Variants in NDRG1 observed in about 807,000 individuals in gnomAD.
NDRG1 encodes the protein protein NDRG1.
NDRG1 carries 32 observed loss-of-function variants against 56.9 expected under a neutral mutation model. The ratio of observed to expected loss-of-function variants is 0.56; its 90% CI spans 0.42 to 0.76. The LOEUF is 0.76. Among genes scored for constraint, NDRG1 ranks in the 30% least tolerant of loss-of-function variants. NDRG1 has a pLI of 0.00. For synonymous variants in NDRG1, 211 were observed against 204.1 expected (o/e 1.03, Z -0.29); for missense variants, 507 against 545.7 (o/e 0.93, Z 0.71).
chr8:133,256,691 G>T, intron 8 of NDRG1, 86 bp downstream of exon 8: 1 of 1,303,512 alleles, frequency 7.7e-7, no homozygotes, highest in Non-Finnish European at 1.1e-6. Flanking sequence ...AGAGCTCGTA[G>T]CTCCAGGGAT....
chr8:133,286,609 T>C (rs1858127853), intron 1 of NDRG1, among the ~76,000 whole-genome samples: 1 of 152,224 alleles, frequency 6.6e-6, no homozygotes, highest in Non-Finnish European at 1.5e-5. Context: ...TTTTGGGAGC[T>C]GGTGGGGCCT....
chr8:133,264,770 T>G, intron 3 of NDRG1, 118 bp from the exon 4 acceptor site: 12 of 846,380 alleles, frequency 1.4e-5, no homozygotes, highest in Non-Finnish European at 2.2e-5. Flanking sequence ...CATCTGGCCA[T>G]AAGAGCCCCG....
At chr8:133,250,678 T>C in intron 9 of NDRG1, 135 bp from the exon 10 acceptor site, 1 of 645,072 alleles carries the variant, frequency 1.6e-6, no homozygotes, top group Admixed American at 2.6e-5. Context: ...GCGACGGACC[T>C]AAAAAAAAAA....
chr8:133,284,723 A>G (rs1218063318), intron 1 of NDRG1: 2 of 461,012 alleles, frequency 4.3e-6, no homozygotes. Flanking sequence ...CCGTGTGACA[A>G]TGAAAGGGGA....
chr8:133,285,780 GA>G (rs33943464), intron 1 of NDRG1, among the ~76,000 whole-genome samples: 27,417 of 152,212 alleles, frequency 0.18, 3,161 homozygotes, highest in African/African-American at 0.31. Flanking sequence ...AGAACATTCT[GA>G]AAACAAAGTC....
At chr8:133,258,545 G>GT in intron 6 of NDRG1, 119 bp from the exon 7 acceptor site, 2 of 939,072 alleles carry the variant, frequency 2.1e-6, no homozygotes, top group Non-Finnish European at 3.4e-6. Context: ...GCATGCTGCC[G>GT]TAACTGCCTG....
At chr8:133,254,653 T>A in intron 8 of NDRG1, 58 bp from the exon 9 acceptor site, 1 of 1,570,960 alleles carries the variant, frequency 6.4e-7, no homozygotes, top group Non-Finnish European at 8.7e-7. Flanking sequence ...GTTAACAAGG[T>A]CAGCAAAACC....
chr8:133,263,355 C>G (rs116617072), intron 4 of NDRG1, among the ~76,000 whole-genome samples: 3 of 152,100 alleles, frequency 2.0e-5, no homozygotes, highest in African/African-American at 7.2e-5. Context: ...GGCAGTCCAT[C>G]GTCAAAAATC....
rs1178395668 is a variant in NDRG1, at chr8:133,237,735, A to C, written c.*1143T>G. 4.3e-6 allele frequency: 1 copy of C among 231,186 alleles called. No homozygotes were observed. Among genetic ancestry groups the C allele is most frequent in the East Asian group, 6.1e-5 (1 of 16,442 alleles). 14.3% of individuals were successfully genotyped at this position (231,186 alleles called of 1,614,324 possible). On this transcript the variant is annotated 3_prime_UTR_variant, in exon 16 of 16. Transcript: ENST00000323851. ...GAGCAAAGAGTTCTGAGGATCCAAG[A>C]ACGTGACCGGGTCAGACAGGTTCAG...
intron 1 of NDRG1, among the ~76,000 whole-genome samples, chr8:133,294,707 T>C (rs1199626891): frequency 3.3e-5 from 5 of 151,678 alleles, no homozygotes; most frequent in African/African-American, 1.2e-4. Flanking sequence ...AAAGGCCAAC[T>C]CAGGGGGCTG....
chr8:133,250,420 G>A lies in NDRG1; in HGVS notation c.698+20C>T. 6.3e-7 allele frequency: 1 copy of A among 1,595,740 alleles called. No homozygotes were observed. The highest frequency in any genetic ancestry group is 1.1e-5 in the South Asian group (1 of 90,732). On this transcript the variant is annotated intron_variant, in intron 10 of 15. Coordinates refer to ENST00000323851, the MANE Select transcript of NDRG1 (RefSeq NM_006096.4). Reference sequence around the variant, plus strand: ...ACACCTCATAAATAGCAATGATGTGGCTGAACTACATCCCAATACCTGTTG... The same window carrying A: ...ACACCTCATAAATAGCAATGATGTGACTGAACTACATCCCAATACCTGTTG...
At chr8:133,251,559 G>A (rs1856046270) in intron 9 of NDRG1, among the ~76,000 whole-genome samples, 1 of 152,236 alleles carries the variant, frequency 6.6e-6, no homozygotes, top group Non-Finnish European at 1.5e-5. Context: ...CGCTATGTCT[G>A]ACATCCCTCC....
At chr8:133,290,168 T>C (rs1858351994) in intron 1 of NDRG1, among the ~76,000 whole-genome samples, 1 of 152,114 alleles carries the variant, frequency 6.6e-6, no homozygotes, top group South Asian at 2.1e-4. Flanking sequence ...GCACACCCTC[T>C]TGAGCAAACT....
intron 3 of NDRG1, among the ~76,000 whole-genome samples, chr8:133,266,476 T>G (rs1856925847): frequency 6.6e-6 from 1 of 152,174 alleles, no homozygotes; most frequent in South Asian, 2.1e-4. Flanking sequence ...AGGCACCCTG[T>G]GGGGGCAAGT....
chr8:133,288,206 C>T (rs2130803835), intron 1 of NDRG1: 1 of 152,500 alleles, frequency 6.6e-6, no homozygotes, highest in Non-Finnish European at 1.5e-5. Context: ...CCACCACCTT[C>T]ATTCACGGAG....
intron 3 of NDRG1, among the ~76,000 whole-genome samples, chr8:133,275,703 T>C (rs1220129801): frequency 6.6e-6 from 1 of 152,216 alleles, no homozygotes; most frequent in Non-Finnish European, 1.5e-5. Context: ...GACTCTTTCT[T>C]CTGAGGAATC....
intron 3 of NDRG1, among the ~76,000 whole-genome samples, chr8:133,268,514 G>T (rs1857026250): frequency 6.6e-6 from 1 of 152,218 alleles, no homozygotes; most frequent in South Asian, 2.1e-4. Flanking sequence ...AGTGGTGAAG[G>T]TCACACAGGG....
chr8:133,239,204 T>C, intron 15 of NDRG1, 85 bp from the exon 16 acceptor site: 3 of 1,537,876 alleles, frequency 2.0e-6, no homozygotes, highest in Non-Finnish European at 2.6e-6. Context: ...CCACATGCTC[T>C]TCTACGTGCC....
intron 3 of NDRG1, among the ~76,000 whole-genome samples, chr8:133,277,324 G>T (rs1857503648): frequency 6.6e-6 from 1 of 152,166 alleles, no homozygotes; most frequent in African/African-American, 2.4e-5. Context: ...AGCACTTTGG[G>T]AGGCTGAGGC....
Sources: allele counts gnomAD v4.1 joint callset (sites outside exome capture counted in the v4.1 genomes callset), GRCh38; gene constraint gnomAD v4.1.1; transcripts MANE v1.5; gene names NCBI Gene and HGNC (gene_info 2026-07-23, HGNC 2026-07-21).